The following SRCAP variants were observed in gnomAD, a reference collection of about 807,000 sequenced individuals.
SRCAP encodes chromatin remodeling protein SRCAP.
A neutral mutation model predicts 263.1 loss-of-function variants in SRCAP; 46 were observed. The observed-to-expected ratio is 0.17, with a 90% CI of 0.14 to 0.22. SRCAP has a LOEUF of 0.22. Among genes scored for constraint, SRCAP ranks in the 10% least tolerant of loss-of-function variants. The pLI is 1.00. For missense variants in SRCAP, 3,695 were observed against 4,181.9 expected (o/e 0.88, Z 3.21); for synonymous variants, 1,813 against 1,662.1 (o/e 1.09, Z -2.21).
At position 30,737,933 on chromosome 16, in the gene SRCAP, C is replaced by T. The variant is rs773623984; in HGVS notation, c.7893C>T (p.Thr2631=). Residue 2631 remains threonine (T), a synonymous_variant, in exon 34 of 34, where the codon ACC becomes ACT. Transcript: ENST00000262518. ...EQEAPDSAEG[T]TLTVLPEGEE... ...AGGCACCAGATTCTGCTGAGGGGAC[C>T]ACCCTTACAGTGCTGCCTGAAGGTG... 3 of 1,614,054 alleles carry T rather than the reference C, an allele frequency of 1.9e-6. No homozygotes were observed. The highest frequency in any genetic ancestry group is 1.3e-5 in the African/African-American group (1 of 74,910).
In SRCAP at chr16:30,738,425, C is replaced by T; in HGVS notation, c.8385C>T (p.Ser2795=). The T allele has an allele frequency of 6.4e-7, 1 of 1,553,180 alleles. No homozygotes were observed. The highest frequency in any genetic ancestry group is 8.7e-7 in the Non-Finnish European group (1 of 1,149,358). ...SASPGSPSVR[S]MSGPESSPPI... Reference sequence around the variant, plus strand: ...GCCCGGGAAGCCCGTCTGTCCGCAGCATGTCAGGGCCAGAATCCTCCCCTC... The same window carrying T: ...GCCCGGGAAGCCCGTCTGTCCGCAGTATGTCAGGGCCAGAATCCTCCCCTC... The change falls in exon 34 of 34, where the codon AGC becomes AGT. Residue 2795 remains serine, a synonymous_variant. Coordinates refer to ENST00000262518, the MANE Select transcript of SRCAP (RefSeq NM_006662.3).
In SRCAP at chr16:30,740,761, T is replaced by G. The variant is rs2053216299; in HGVS notation, c.*1028T>G. ...CTGTTCACTCCCTGGGCCCTCCTTG[T>G]GTCCTCCTGTTGACTCTGTGCTTAC... On this transcript the variant is annotated 3_prime_UTR_variant, in exon 34 of 34. Coordinates refer to ENST00000262518, the MANE Select transcript of SRCAP (RefSeq NM_006662.3). 1 of 152,362 alleles carries G rather than the reference T, an allele frequency of 6.6e-6. No homozygotes were observed. Among genetic ancestry groups the G allele is most frequent in the African/African-American group, 2.4e-5 (1 of 41,464 alleles). 9.4% of individuals were successfully genotyped at this position (152,362 alleles called of 1,614,324 possible). A position where few individuals can be genotyped will look rare whatever the true frequency, so the allele number is the denominator to read the frequency against.
rs767714019 is a variant in SRCAP, at chr16:30,720,775, C to T, written c.3050C>T (p.Ala1017Val). The change falls in exon 20 of 34, where the codon GCG becomes GTG. Residue 1017 changes from alanine (A) to valine (V), a missense_variant. Transcript: ENST00000262518. ...GTGGTGGTGGTGAACAACCCACGGG[C>T]GCCCCTGGGCCCTGTCCCAGTTCGA... is the stretch of plus-strand genomic sequence containing the variant. ...RTVVVVNNPR[A>V]PLGPVPVRPP... 35 of 1,613,778 alleles carry T rather than the reference C, an allele frequency of 2.2e-5. No individual in the cohort carries two copies. The highest frequency in any genetic ancestry group is 2.7e-5 in the Non-Finnish European group (32 of 1,179,952).
In SRCAP at chr16:30,738,539, G is replaced by A. The variant is rs1567254469; in HGVS notation, c.8499G>A (p.Leu2833=). 1.2e-6 allele frequency: 2 copies of A among 1,611,846 alleles called. No individual in the cohort carries two copies. The highest frequency in any genetic ancestry group is 8.5e-7 in the Non-Finnish European group (1 of 1,178,860). ...TCATTGCTCGCCGTCACATTGAGCT[G>A]GGGGTGACTGGTGGTGGCAGCCCCG... ...QPFIARRHIE[L]GVTGGGSPEN... The change falls in exon 34 of 34, where the codon CTG becomes CTA. Residue 2833 remains leucine (L), a synonymous_variant. Transcript: ENST00000262518.
chr16:30,722,036 CG>C (rs1555464660), intron 21 of SRCAP, 85 bp from the exon 22 acceptor site: 4 of 1,502,024 alleles, frequency 2.7e-6, no homozygotes, highest in Admixed American at 4.1e-5. Flanking sequence ...ACTGGACACT[CG>C]GGGGAGAGGT....
chr16:30,732,521 C>G (rs919222567), intron 27 of SRCAP, among the ~76,000 whole-genome samples: 71 of 151,930 alleles, frequency 4.7e-4, no homozygotes, highest in African/African-American at 1.7e-3. Flanking sequence ...GAAGTTATTT[C>G]TGTGTTTGAT....
rs1452396548 is a variant in SRCAP at position 30,723,078 on chromosome 16, T to G, written c.4008T>G (p.Ser1336=). Residue 1336 remains serine (S), a synonymous_variant, in exon 24 of 34, where the codon TCT becomes TCG. Coordinates refer to ENST00000262518, the MANE Select transcript of SRCAP (RefSeq NM_006662.3). The part of the protein sequence containing the change: ...PLAPAPRPPS[S]GLPAVLNPRP... The stretch of plus-strand genomic sequence containing the variant: ...CCCCAGCACCCCGGCCTCCGAGCTC[T>G]GGGCTTCCAGCTGTGTTGAATCCAC... 1.2e-6 allele frequency: 2 copies of G among 1,614,006 alleles called. No individual in the cohort carries two copies. The highest frequency in any genetic ancestry group is 1.7e-6 in the Non-Finnish European group (2 of 1,180,034).
rs559777629 is a variant in SRCAP at position 30,717,324 on chromosome 16, C to G, written c.2817+845C>G. Among the ~76,000 whole-genome samples the G allele has an allele frequency of 1.1e-4, 17 of 152,202 alleles. No individual in the cohort carries two copies. The South Asian group carries it at 3.5e-3, about 32-fold the overall frequency. On this transcript the variant is annotated intron_variant, in intron 18 of 33. Transcript: ENST00000262518. The stretch of plus-strand genomic sequence containing the variant: ...GTGTGGTGGTTGTTGAGCTGTAGGA[C>G]TTCATTATATGCTTTGGAAATTAAC...
chr16:30,708,125 C>T (rs759619919), intron 6 of SRCAP, among the ~76,000 whole-genome samples: 1 of 152,212 alleles, frequency 6.6e-6, no homozygotes, highest in South Asian at 2.1e-4. Flanking sequence ...ACCCACCTTT[C>T]TTTTGTATAT....
In SRCAP at chr16:30,712,405, C is replaced by G. The variant is rs1460348630; in HGVS notation, c.1959C>G (p.Thr653=). 2 of 1,594,200 alleles carry G rather than the reference C, an allele frequency of 1.3e-6. No homozygotes were observed. Among genetic ancestry groups the G allele is most frequent in the Non-Finnish European group, 8.5e-7 (1 of 1,172,636 alleles). Residue 653 remains threonine, a synonymous_variant, in exon 13 of 34, where the codon ACC becomes ACG. Transcript: ENST00000262518. ...DEMGLGKTIQ[T]ISLLAHLACE... ...TGGGGCTTGGGAAGACCATCCAGAC[C>G]ATCTCTCTGCTTGCCCACTTGGCTT... is the stretch of plus-strand genomic sequence containing the variant.
intron 6 of SRCAP, 34 bp from the exon 7 acceptor site, chr16:30,709,479 T>C: frequency 1.2e-6 from 2 of 1,609,266 alleles, no homozygotes; most frequent in Non-Finnish European, 1.7e-6. Flanking sequence ...AAAATGGTTA[T>C]CTTGGTGAGC....
intron 4 of SRCAP, among the ~76,000 whole-genome samples, chr16:30,705,080 C>G (rs866746012): frequency 6.6e-6 from 1 of 152,108 alleles, no homozygotes; most frequent in African/African-American, 2.4e-5. Flanking sequence ...GCGGGTGGAT[C>G]ACCTGAGGTC....
chr16:30,702,754 C>T (rs999785945), intron 3 of SRCAP, among the ~76,000 whole-genome samples: 2 of 150,988 alleles, frequency 1.3e-5, no homozygotes, highest in Non-Finnish European at 3.0e-5. Context: ...TACAGGCTCA[C>T]GCCACCACAC....
intron 16 of SRCAP, among the ~76,000 whole-genome samples, chr16:30,714,163 C>T (rs2052921787): frequency 6.6e-6 from 1 of 150,712 alleles, no homozygotes; most frequent in African/African-American, 2.4e-5. Flanking sequence ...CTCCCAGGTT[C>T]ATGCCATTCT....
chr16:30,703,845 C>G (rs867542978), intron 3 of SRCAP, among the ~76,000 whole-genome samples: 1 of 152,068 alleles, frequency 6.6e-6, no homozygotes, highest in Non-Finnish European at 1.5e-5. Flanking sequence ...TGCGGTGAGC[C>G]GAGATCGCGC....
At chr16:30,735,028 T>C (rs924126226) in intron 31 of SRCAP, among the ~76,000 whole-genome samples, 8 of 152,180 alleles carry the variant, frequency 5.3e-5, no homozygotes, top group Non-Finnish European at 7.4e-5. Context: ...CCCAAAATTA[T>C]GATAGATTTT....
In SRCAP at chr16:30,711,975, G is replaced by A. The variant is rs1387634498; in HGVS notation, c.1633G>A (p.Glu545Lys). ...QSQSQADEEE[E>K]DDDFGVEYLL... ...ACAGAGCCAAGCAGATGAAGAGGAGGAAGATGATGATTTTGGGGTGGAGTA... is the reference window on the plus strand; with the variant it reads ...ACAGAGCCAAGCAGATGAAGAGGAGAAAGATGATGATTTTGGGGTGGAGTA... Residue 545 changes from glutamate to lysine, a missense_variant, in exon 12 of 34, where the codon GAA becomes AAA. By Grantham distance (56) the Glu-to-Lys change is moderately conservative. Coordinates refer to ENST00000262518, the MANE Select transcript of SRCAP (RefSeq NM_006662.3). 6 of 1,613,850 alleles carry A rather than the reference G, an allele frequency of 3.7e-6. No individual in the cohort carries two copies. The highest frequency in any genetic ancestry group is 2.2e-5 in the East Asian group (1 of 44,864).
Position 30,709,679 on chromosome 16 carries a change from G to T in SRCAP, c.800G>T (p.Gly267Val), listed in dbSNP as rs150504436. 8.0e-5 allele frequency: 129 copies of T among 1,614,048 alleles called. No homozygotes were observed. Among genetic ancestry groups the T allele is most frequent in the Non-Finnish European group, 1.0e-4 (121 of 1,180,050 alleles). The change falls in exon 7 of 34, where the codon GGC (glycine) becomes GTC (valine). Residue 267 changes from glycine to valine, a missense_variant. Gly to Val is a moderately radical substitution (Grantham distance 109). Transcript: ENST00000262518. ...SSKAGSSPCL[G>V]SSSAASSPPP... Reference sequence around the variant, plus strand: ...AAAGCAGGCTCTTCCCCTTGCCTCGGCTCTTCCTCAGCTGCCTCCAGTCCT... The same window carrying T: ...AAAGCAGGCTCTTCCCCTTGCCTCGTCTCTTCCTCAGCTGCCTCCAGTCCT...
chr16:30,738,121 T>C lies in SRCAP; in HGVS notation c.8081T>C (p.Val2694Ala). Residue 2694 changes from valine to alanine, a missense_variant, in exon 34 of 34, where the codon GTT becomes GCT. Val to Ala is a moderately conservative substitution (Grantham distance 64). This residue lies in a region of SRCAP where 1,207 missense variants were observed against 1,142.9 expected (regional missense o/e 1.06). Coordinates refer to ENST00000262518, the MANE Select transcript of SRCAP (RefSeq NM_006662.3). Reference sequence around the variant, plus strand: ...AGCCCAGAGAAGCCACAGGAACTCGTTACAGCTGAGGTTGCAGCTCCATCC... The same window carrying C: ...AGCCCAGAGAAGCCACAGGAACTCGCTACAGCTGAGGTTGCAGCTCCATCC... ...TSSPEKPQEL[V>A]TAEVAAPSTS... 1 of 1,614,120 alleles carries C rather than the reference T, an allele frequency of 6.2e-7. No homozygotes were observed. The highest frequency in any genetic ancestry group is 8.5e-7 in the Non-Finnish European group (1 of 1,180,028).
Sources: gnomAD v4.1 joint callset for allele counts (sites outside exome capture counted in the v4.1 genomes callset) on GRCh38, gnomAD v4.1.1 for gene constraint, gnomAD v4.1.1 regional missense constraint, MANE v1.5 for transcripts, NCBI Gene and HGNC (gene_info 2026-07-23, HGNC 2026-07-21) for gene names.